The following MACROD2 variants were observed in gnomAD, a reference collection of about 807,000 sequenced individuals.
MACROD2 encodes the protein mono-ADP ribosylhydrolase 2, also known as ADP-ribose glycohydrolase MACROD2.
A neutral mutation model predicts 70.4 loss-of-function variants in MACROD2; 36 were observed. That is an observed-to-expected ratio of 0.51 (90% CI 0.39 to 0.68). The LOEUF (loss-of-function observed/expected upper bound fraction) is 0.68, where lower values mean the gene tolerates loss of function less well. Among genes scored for constraint, MACROD2 ranks in the 30% least tolerant of loss-of-function variants. The pLI is 0.00. For synonymous variants in MACROD2, 172 were observed against 178.8 expected, an observed-to-expected ratio of 0.96 and a Z score of 0.30; for missense variants, 496 against 538.4, an observed-to-expected ratio of 0.92 and a Z score of 0.78.
chr20:14,589,251 A>G (rs73899206), intron 4 of MACROD2, among the ~76,000 whole-genome samples: 5,158 of 152,258 alleles, frequency 0.034, 288 homozygotes, highest in African/African-American at 0.12. Flanking sequence ...TGAATGACTA[A>G]TTTCTGAAAG....
At chr20:15,522,371 G>A (rs983693050) in intron 8 of MACROD2, among the ~76,000 whole-genome samples, 4 of 152,200 alleles carry the variant, frequency 2.6e-5, no homozygotes, top group African/African-American at 9.7e-5. Context: ...ATAGAGAAAT[G>A]TACTCAATGC....
intron 8 of MACROD2, among the ~76,000 whole-genome samples, chr20:15,795,884 A>C (rs1307529466): frequency 6.6e-6 from 1 of 152,154 alleles, no homozygotes; most frequent in Admixed American, 6.5e-5. Context: ...TGTCCACAGA[A>C]GGCTGGACAG....
intron 4 of MACROD2, among the ~76,000 whole-genome samples, chr20:14,522,600 A>G (rs112871954): frequency 0.013 from 1,925 of 152,262 alleles, 17 homozygotes; most frequent in Non-Finnish European, 0.02. Flanking sequence ...TGGAACGTCA[A>G]ATTCATTTTC....
chr20:14,455,108 A>C (rs2084287063), intron 3 of MACROD2, among the ~76,000 whole-genome samples: 1 of 151,804 alleles, frequency 6.6e-6, no homozygotes, highest in Admixed American at 6.6e-5. Flanking sequence ...AACACATACA[A>C]ATATGACTTC....
chr20:14,969,961 T>C (rs570853067), intron 5 of MACROD2, among the ~76,000 whole-genome samples: 14 of 151,958 alleles, frequency 9.2e-5, no homozygotes, highest in Non-Finnish European at 2.1e-4. Context: ...ATATGATCCT[T>C]GTCCTCTTCC....
chr20:14,728,562 T>C (rs1026989284), intron 5 of MACROD2, among the ~76,000 whole-genome samples: 1 of 152,192 alleles, frequency 6.6e-6, no homozygotes, highest in African/African-American at 2.4e-5. Context: ...TTTACCATTA[T>C]TGTTTGTGTC....
In MACROD2 at chr20:15,223,271, G is replaced by A. The variant is rs534786839; in HGVS notation, c.419-6669G>A. 2.6e-4 allele frequency among the ~76,000 whole-genome samples: 39 copies of A among 152,248 alleles called. No individual in the cohort carries two copies. The Middle Eastern group carries it at 0.01, about 40-fold the overall frequency. The stretch of plus-strand genomic sequence containing the variant: ...ATGTACAAATCGCATTGCTGTTTTC[G>A]TGGCTTTCCTGAGTGCTGTAGGAGA... On this transcript the variant is annotated intron_variant, in intron 5 of 17. Coordinates refer to ENST00000684519, the MANE Select transcript of MACROD2 (RefSeq NM_001351661.2).
chr20:14,942,765 AGCCT>A (rs1271453553), intron 5 of MACROD2, among the ~76,000 whole-genome samples: 2 of 43,938 alleles, frequency 4.6e-5, no homozygotes, highest in Non-Finnish European at 9.7e-5. Flanking sequence ...TATGCATATG[AGCCT>A]AAAAGCCTAA....
At chr20:14,956,670 A>C (rs976073979) in intron 5 of MACROD2, among the ~76,000 whole-genome samples, 11 of 152,190 alleles carry the variant, frequency 7.2e-5, no homozygotes, top group African/African-American at 2.4e-5. Context: ...GGTCAGACAA[A>C]GGGCTAGGCT....
At chr20:15,253,192 G>C (rs2077170554) in intron 6 of MACROD2, among the ~76,000 whole-genome samples, 1 of 152,154 alleles carries the variant, frequency 6.6e-6, no homozygotes, top group Non-Finnish European at 1.5e-5. Context: ...GTGGGATGTT[G>C]GGCTTCGGTG....
chr20:14,138,049 G>A (rs1031888949), intron 3 of MACROD2, among the ~76,000 whole-genome samples: 1 of 152,166 alleles, frequency 6.6e-6, no homozygotes, highest in African/African-American at 2.4e-5. Flanking sequence ...AAACCACAGT[G>A]AGATATCACT....
chr20:14,529,320 A>T (rs1034204651), intron 4 of MACROD2, among the ~76,000 whole-genome samples: 2 of 152,194 alleles, frequency 1.3e-5, no homozygotes, highest in African/African-American at 4.8e-5. Flanking sequence ...TAAATATATA[A>T]TTAAGAACCC....
chr20:14,493,689 T>C (rs2084819531), intron 4 of MACROD2, 181 bp downstream of exon 4: 2 of 520,436 alleles, frequency 3.8e-6, no homozygotes, highest in African/African-American at 2.1e-5. Context: ...TAAATGTTAT[T>C]TTAATTGACT....
chr20:14,002,615 A>G (rs996784286), intron 2 of MACROD2, among the ~76,000 whole-genome samples: 3 of 152,206 alleles, frequency 2.0e-5, no homozygotes, highest in Admixed American at 2.0e-4. Flanking sequence ...AATATACCAC[A>G]TTTATAATAT....
At chr20:15,581,809 T>C (rs551528421) in intron 8 of MACROD2, among the ~76,000 whole-genome samples, 14 of 152,136 alleles carry the variant, frequency 9.2e-5, no homozygotes, top group African/African-American at 3.4e-4. Context: ...TATGTGAGTA[T>C]TGGAAAAACA....
intron 5 of MACROD2, among the ~76,000 whole-genome samples, chr20:14,685,915 A>G (rs2123599087): frequency 6.6e-6 from 1 of 152,356 alleles, no homozygotes. Context: ...GGTTGTCATA[A>G]CAGTGAATTT....
chr20:15,642,597 AACACACACACACACACACACACAC>A (rs56698663), intron 8 of MACROD2, among the ~76,000 whole-genome samples: 1 of 146,996 alleles, frequency 6.8e-6, no homozygotes, highest in Non-Finnish European at 1.5e-5. Flanking sequence ...ACCTGTCATG[AACACACACACACACACACACACAC>A]ACACACACAC....
intron 4 of MACROD2, among the ~76,000 whole-genome samples, chr20:14,540,484 GT>G (rs1330293046): frequency 6.6e-6 from 1 of 152,110 alleles, no homozygotes; most frequent in Non-Finnish European, 1.5e-5. Flanking sequence ...GAAACTGGCA[GT>G]TTCTTTCAGA....
chr20:15,939,464 C>A (rs2065718091), intron 12 of MACROD2, among the ~76,000 whole-genome samples: 1 of 152,066 alleles, frequency 6.6e-6, no homozygotes, highest in African/African-American at 2.4e-5. Context: ...TAGCATGTCT[C>A]TTTATAGCAT....
Sources: gnomAD v4.1 joint callset for allele counts (sites outside exome capture counted in the v4.1 genomes callset) on GRCh38, gnomAD v4.1.1 for gene constraint, MANE v1.5 for transcripts, NCBI Gene and HGNC (gene_info 2026-07-23, HGNC 2026-07-21) for gene names.